Variants in EXOC2 observed in about 807,000 individuals in gnomAD.
EXOC2 encodes exocyst complex component 2.
A neutral mutation model predicts 131.8 loss-of-function variants in EXOC2; 70 were observed. The observed-to-expected ratio is 0.53, with a 90% CI of 0.44 to 0.65. EXOC2 has a LOEUF of 0.65. Among genes scored for constraint, EXOC2 ranks in the 30% least tolerant of loss-of-function variants. The pLI, the probability that EXOC2 is intolerant of heterozygous loss-of-function variation, is 0.00. For synonymous variants in EXOC2, 411 were observed against 398.4 expected (o/e 1.03, Z -0.38); for missense variants, 923 against 1,108.6 (o/e 0.83, Z 2.38).
intron 6 of EXOC2, among the ~76,000 whole-genome samples, chr6:616,476 G>T (rs953069447): frequency 2.0e-5 from 3 of 151,166 alleles, no homozygotes; most frequent in African/African-American, 7.3e-5. Flanking sequence ...AGTGGCGGGC[G>T]CCTGTAGTCC....
intron 23 of EXOC2, among the ~76,000 whole-genome samples, chr6:531,054 G>T (rs1766047666): frequency 6.6e-6 from 1 of 152,184 alleles, no homozygotes; most frequent in South Asian, 2.1e-4. Context: ...TGGTACCTGT[G>T]GGGATGCTAC....
Position 562,792 on chromosome 6 carries a change from T to C in EXOC2, c.1843A>G (p.Thr615Ala). The C allele has an allele frequency of 6.3e-7, 1 of 1,593,802 alleles. No individual in the cohort carries two copies. The highest frequency in any genetic ancestry group is 8.5e-7 in the Non-Finnish European group (1 of 1,172,038). Residue 615 changes from threonine (T) to alanine (A), a missense_variant, in exon 17 of 28, where the codon ACT becomes GCT. Transcript: ENST00000230449. Reference sequence around the variant, plus strand: ...AAAGAACTTAAACTTACTAGAGAAGTCAGTCCTTCATTGTCAACAATCCAG... The same window carrying C: ...AAAGAACTTAAACTTACTAGAGAAGCCAGTCCTTCATTGTCAACAATCCAG... ...EDWIVDNEGL[T>A]SLPCQFEQCI...
chr6:571,225 A>G (rs1030567323), intron 13 of EXOC2, among the ~76,000 whole-genome samples: 17 of 152,240 alleles, frequency 1.1e-4, no homozygotes, highest in African/African-American at 4.1e-4. Flanking sequence ...TATTGCTTTA[A>G]TATTTGAATG....
At chr6:526,526 T>C (rs1398083137) in intron 23 of EXOC2, among the ~76,000 whole-genome samples, 1 of 147,964 alleles carries the variant, frequency 6.8e-6, no homozygotes, top group African/African-American at 2.5e-5. Flanking sequence ...CGGCAACCTC[T>C]GCCTCCTGGG....
chr6:584,658 A>T (rs1759101288), intron 11 of EXOC2, among the ~76,000 whole-genome samples: 1 of 152,242 alleles, frequency 6.6e-6, no homozygotes, highest in Admixed American at 6.5e-5. Context: ...TAAGTTTTCA[A>T]AGAGAACCTG....
intron 22 of EXOC2, among the ~76,000 whole-genome samples, chr6:537,276 G>A (rs1192677412): frequency 1.3e-5 from 2 of 151,004 alleles, no homozygotes; most frequent in African/African-American, 4.9e-5. Flanking sequence ...GGCCGACGGA[G>A]CGTACACTCG....
At chr6:486,901 G>T in intron 27 of EXOC2, 137 bp from the exon 28 acceptor site, 1 of 593,780 alleles carries the variant, frequency 1.7e-6, no homozygotes, top group Non-Finnish European at 3.0e-6. Flanking sequence ...TCTACCTATG[G>T]ATCCTTAACT....
chr6:582,836 A>C (rs1758990523), intron 11 of EXOC2, among the ~76,000 whole-genome samples: 1 of 152,150 alleles, frequency 6.6e-6, no homozygotes, highest in Non-Finnish European at 1.5e-5. Context: ...AATTAAACAA[A>C]GGGAGGCACA....
intron 1 of EXOC2, among the ~76,000 whole-genome samples, chr6:641,075 G>C (rs1352166287): frequency 6.6e-6 from 1 of 152,122 alleles, no homozygotes; most frequent in Non-Finnish European, 1.5e-5. Flanking sequence ...CTGACCACCG[G>C]TTTAAACAAA....
intron 1 of EXOC2, chr6:657,365 T>G (rs1253809305): frequency 1.3e-5 from 2 of 155,882 alleles, no homozygotes; most frequent in Non-Finnish European, 2.8e-5. Flanking sequence ...TAGTTCCACG[T>G]GTCTTATGAA....
At chr6:688,833 G>C (rs1289960876) in intron 1 of EXOC2, among the ~76,000 whole-genome samples, 2 of 152,072 alleles carry the variant, frequency 1.3e-5, no homozygotes, top group Non-Finnish European at 2.9e-5. Flanking sequence ...CATTCACATG[G>C]GGTTTTCATT....
Position 537,888 on chromosome 6 carries a change from T to C in EXOC2, c.2239-5278A>G, listed in dbSNP as rs564954836. Among the ~76,000 whole-genome samples the C allele has an allele frequency of 2.7e-4, 41 of 152,318 alleles. No individual in the cohort carries two copies. In the South Asian group the frequency reaches 8.5e-3, roughly 32 times the overall value. On this transcript the variant is annotated intron_variant, in intron 22 of 27. Coordinates refer to ENST00000230449, the MANE Select transcript of EXOC2 (RefSeq NM_018303.6). ...TTCTGGGACAGGCAAAATGATTCTC[T>C]GCAGATAGCAGCTGGAACGTTGCTG...
At chr6:499,851 AAGG>A in intron 23 of EXOC2, 151 bp from the exon 24 acceptor site, 1 of 632,396 alleles carries the variant, frequency 1.6e-6, no homozygotes, top group South Asian at 2.0e-5. Context: ...CAAATGGTGA[AAGG>A]AGTATTTCCA....
At chr6:490,779 A>T (rs1193045516) in intron 26 of EXOC2, among the ~76,000 whole-genome samples, 1 of 152,244 alleles carries the variant, frequency 6.6e-6, no homozygotes, top group Admixed American at 6.5e-5. Flanking sequence ...AAAATTTTGC[A>T]GAGAAACCAC....
intron 22 of EXOC2, 23 bp from the exon 23 acceptor site, chr6:532,633 A>G: frequency 6.8e-7 from 1 of 1,465,058 alleles, no homozygotes; most frequent in East Asian, 2.6e-5. Flanking sequence ...AATGAAGAGT[A>G]TGAGTTGCCT....
rs1019311977 is a variant in EXOC2 at position 550,042 on chromosome 6, T to C, written c.2122-751A>G. ...TGTCCTTTCACAGTTCAAGACTACC[T>C]GGTAAATAAAATTCCAGGAATTGCC... On this transcript the variant is annotated intron_variant, in intron 21 of 27. Transcript: ENST00000230449. Among the ~76,000 whole-genome samples the C allele has an allele frequency of 6.8e-4, 103 of 152,380 alleles. 1 individual carries two copies. The highest frequency in any genetic ancestry group is 2.3e-3 in the African/African-American group (95 of 41,598).
intron 4 of EXOC2, among the ~76,000 whole-genome samples, chr6:620,702 G>A (rs957799563): frequency 2.0e-5 from 3 of 152,070 alleles, no homozygotes; most frequent in Admixed American, 6.5e-5. Flanking sequence ...AGCTTAGTTC[G>A]TGATCCACAC....
At position 686,554 on chromosome 6, in the gene EXOC2, G is replaced by T. The variant is rs1764664547; in HGVS notation, c.-44+6465C>A. 2.0e-5 allele frequency among the ~76,000 whole-genome samples: 3 copies of T among 152,178 alleles called. No individual in the cohort carries two copies. The South Asian group carries it at 6.2e-4, about 31-fold the overall frequency. The stretch of plus-strand genomic sequence containing the variant: ...GGAAGGAATACTGGAAGCCAGACAA[G>T]TATATAGGGAATGCCTGACAACTTA... On this transcript the variant is annotated intron_variant, in intron 1 of 27. Coordinates refer to ENST00000230449, the MANE Select transcript of EXOC2 (RefSeq NM_018303.6).
intron 1 of EXOC2, among the ~76,000 whole-genome samples, chr6:686,813 C>T (rs558517722): frequency 6.6e-6 from 1 of 152,312 alleles, no homozygotes; most frequent in African/African-American, 2.4e-5. Flanking sequence ...GACTGGACTT[C>T]CAACCGATGC....
Sources: allele counts gnomAD v4.1 joint callset (sites outside exome capture counted in the v4.1 genomes callset), GRCh38; gene constraint gnomAD v4.1.1; transcripts MANE v1.5; gene names NCBI Gene and HGNC (gene_info 2026-07-23, HGNC 2026-07-21).